The following SUMF1 variants were observed in gnomAD, a reference collection of about 807,000 sequenced individuals.
SUMF1 encodes the protein formylglycine-generating enzyme.
Under a neutral mutation model 47.6 loss-of-function variants are expected in SUMF1, and 48 were observed. The ratio of observed to expected loss-of-function variants is 1.01; its 90% CI spans 0.80 to 1.28. The LOEUF is 1.28. Among genes scored for constraint, SUMF1 ranks in the 50% most tolerant of loss-of-function variants. The pLI is 0.00. For synonymous variants in SUMF1, 230 were observed against 192.1 expected, an observed-to-expected ratio of 1.20 and a Z score of -1.63; for missense variants, 571 against 485.4, an observed-to-expected ratio of 1.18 and a Z score of -1.66.
intron 8 of SUMF1, among the ~76,000 whole-genome samples, chr3:4,262,517 A>G (rs1161340934): frequency 6.6e-6 from 1 of 152,182 alleles, no homozygotes; most frequent in East Asian, 1.9e-4. Context: ...CTGGTGCACA[A>G]GCAAGATCAT....
At chr3:4,464,504 G>A (rs1013405334) in intron 1 of SUMF1, among the ~76,000 whole-genome samples, 1 of 152,032 alleles carries the variant, frequency 6.6e-6, no homozygotes, top group Non-Finnish European at 1.5e-5. Context: ...TGTATGCCCA[G>A]CACATAGGAT....
intron 8 of SUMF1, among the ~76,000 whole-genome samples, chr3:4,109,021 C>A (rs1437444027): frequency 6.6e-6 from 1 of 152,008 alleles, no homozygotes; most frequent in Non-Finnish European, 1.5e-5. Flanking sequence ...TCCTAGCCTC[C>A]ATGGTCTTTA....
intron 3 of SUMF1, among the ~76,000 whole-genome samples, chr3:4,426,997 CAT>C (rs1043726733): frequency 1.7e-4 from 26 of 152,312 alleles, no homozygotes; most frequent in African/African-American, 5.8e-4. Flanking sequence ...AGAGCAAAGA[CAT>C]GTTTCCCACC....
At chr3:4,101,036 C>T (rs1164430011) in intron 8 of SUMF1, among the ~76,000 whole-genome samples, 1 of 151,920 alleles carries the variant, frequency 6.6e-6, no homozygotes, top group Non-Finnish European at 1.5e-5. Context: ...GAAAAGGGAA[C>T]TTTTATACAC....
intron 9 of SUMF1, among the ~76,000 whole-genome samples, chr3:4,048,890 C>G (rs1278552965): frequency 1.3e-5 from 2 of 152,114 alleles, no homozygotes; most frequent in South Asian, 2.1e-4. Flanking sequence ...CATAGGAACT[C>G]AATAAACATT....
intron 8 of SUMF1, among the ~76,000 whole-genome samples, chr3:4,184,312 C>T (rs1191510025): frequency 6.6e-6 from 1 of 151,626 alleles, no homozygotes; most frequent in Non-Finnish European, 1.5e-5. Flanking sequence ...AAAAATTAGC[C>T]GGGCATGGTG....
intron 8 of SUMF1, among the ~76,000 whole-genome samples, chr3:4,135,848 C>T (rs1693913231): frequency 6.6e-6 from 1 of 152,072 alleles, no homozygotes; most frequent in African/African-American, 2.4e-5. Context: ...AACAGAGAGC[C>T]AAATCATCAG....
At chr3:4,284,244 A>G (rs966128065) in intron 8 of SUMF1, among the ~76,000 whole-genome samples, 1 of 151,298 alleles carries the variant, frequency 6.6e-6, no homozygotes, top group African/African-American at 2.4e-5. Context: ...GCAAAATCCC[A>G]TTTCTACAAA....
chr3:4,258,141 C>T (rs1356076250), intron 8 of SUMF1, among the ~76,000 whole-genome samples: 7 of 149,754 alleles, frequency 4.7e-5, no homozygotes, highest in African/African-American at 1.7e-4. Context: ...AAACGTTAGA[C>T]CTAAAACCAT....
chr3:4,061,309 A>G (rs925826523), intron 9 of SUMF1, among the ~76,000 whole-genome samples: 1 of 152,050 alleles, frequency 6.6e-6, no homozygotes, highest in Non-Finnish European at 1.5e-5. Flanking sequence ...AACCATCAGG[A>G]CTCCCAGATA....
intron 8 of SUMF1, among the ~76,000 whole-genome samples, chr3:4,271,917 C>T (rs1228138319): frequency 6.6e-6 from 1 of 152,258 alleles, no homozygotes; most frequent in East Asian, 1.9e-4. Context: ...AAGACTATTC[C>T]TACATAGCCT....
At chr3:4,444,823 T>C (rs1052511268) in intron 3 of SUMF1, among the ~76,000 whole-genome samples, 3 of 152,220 alleles carry the variant, frequency 2.0e-5, no homozygotes, top group Non-Finnish European at 2.9e-5. Flanking sequence ...GCAATGAGCA[T>C]ACCCAGGGCC....
intron 8 of SUMF1, among the ~76,000 whole-genome samples, chr3:4,348,632 A>T (rs552713288): frequency 1.3e-5 from 2 of 152,106 alleles, no homozygotes; most frequent in South Asian, 4.2e-4. Flanking sequence ...TAGGAGGCTG[A>T]GGCGGGTTGA....
At chr3:4,290,370 C>T (rs1362709564) in intron 8 of SUMF1, among the ~76,000 whole-genome samples, 1 of 152,148 alleles carries the variant, frequency 6.6e-6, no homozygotes, top group African/African-American at 2.4e-5. Flanking sequence ...TAACTCTTTC[C>T]TCATTTTCAA....
intron 2 of SUMF1, among the ~76,000 whole-genome samples, chr3:4,450,945 G>GAGA (rs1220132202): frequency 1.6e-4 from 24 of 152,044 alleles, no homozygotes; most frequent in Admixed American, 1.6e-3. Context: ...TAAAGCTGGA[G>GAGA]AGATGGGAAA....
chr3:4,104,720 T>C (rs1441150703), intron 8 of SUMF1, among the ~76,000 whole-genome samples: 1 of 151,458 alleles, frequency 6.6e-6, no homozygotes, highest in Non-Finnish European at 1.5e-5. Flanking sequence ...CCCCTACCAA[T>C]TCCCCTGTTC....
At chr3:4,256,547 T>C (rs1441227462) in intron 8 of SUMF1, among the ~76,000 whole-genome samples, 35 of 140,474 alleles carry the variant, frequency 2.5e-4, no homozygotes, top group South Asian at 4.6e-4. Context: ...ACACATACAC[T>C]CTCCCAAGAC....
At chr3:4,260,497 T>G (rs1037506465) in intron 8 of SUMF1, among the ~76,000 whole-genome samples, 11 of 152,232 alleles carry the variant, frequency 7.2e-5, no homozygotes, top group Non-Finnish European at 1.2e-4. Flanking sequence ...ATTTGGCCTG[T>G]TGGTTACCAG....
chr3:4,252,380 C>CCT (rs1406222171), intron 8 of SUMF1, among the ~76,000 whole-genome samples: 1 of 148,692 alleles, frequency 6.7e-6, no homozygotes, highest in Non-Finnish European at 1.5e-5. Flanking sequence ...ACACACACAC[C>CCT]CCACTGGCTG....
Sources: allele counts gnomAD v4.1 joint callset (sites outside exome capture counted in the v4.1 genomes callset), GRCh38; gene constraint gnomAD v4.1.1; transcripts MANE v1.5; gene names NCBI Gene and HGNC (gene_info 2026-07-23, HGNC 2026-07-21).